Variants in CA10 observed in about 807,000 individuals in gnomAD.
CA10 encodes carbonic anhydrase-related protein 10.
CA10 carries 14 observed loss-of-function variants against 44.2 expected under a neutral mutation model. The observed-to-expected ratio is 0.32, with a 90% CI of 0.21 to 0.50. The LOEUF is 0.50. Among genes scored for constraint, CA10 ranks in the 20% least tolerant of loss-of-function variants. CA10 has a pLI of 0.99. For missense variants in CA10, 350 were observed against 409.7 expected (o/e 0.85, Z 1.26); for synonymous variants, 159 against 141.6 (o/e 1.12, Z -0.87).
chr17:52,074,656 A>T (rs1987770696), intron 1 of CA10, among the ~76,000 whole-genome samples: 1 of 152,310 alleles, frequency 6.6e-6, no homozygotes, highest in African/African-American at 2.4e-5. Context: ...TTACAAAAAA[A>T]TTTTTACAGT....
intron 2 of CA10, among the ~76,000 whole-genome samples, chr17:51,966,101 T>A (rs923719830): frequency 1.3e-5 from 2 of 151,866 alleles, no homozygotes; most frequent in Non-Finnish European, 2.9e-5. Context: ...AAATCAAGAA[T>A]GTAATCTAAT....
chr17:51,811,083 C>T (rs1231900738), intron 3 of CA10, among the ~76,000 whole-genome samples: 2 of 151,856 alleles, frequency 1.3e-5, no homozygotes, highest in Non-Finnish European at 2.9e-5. Context: ...GTAATCCCAG[C>T]TAGTCGGGAG....
At chr17:52,060,180 T>C (rs1987343821) in intron 2 of CA10, among the ~76,000 whole-genome samples, 2 of 152,018 alleles carry the variant, frequency 1.3e-5, no homozygotes, top group South Asian at 4.1e-4. Flanking sequence ...AAACTCACAA[T>C]CCCAGATTAA....
At position 51,930,898 on chromosome 17, in the gene CA10, C is replaced by G. The variant is rs1982630401; in HGVS notation, c.279+92G>C. ...TGGTATTCCTAGGTGGGAGGACAAA[C>G]TCATCACAGAGACTGAAGCCTTGAG... On this transcript the variant is annotated intron_variant, in intron 3 of 8. Transcript: ENST00000451037. The G allele has an allele frequency of 2.7e-6, 4 of 1,456,632 alleles. No homozygotes were observed. In the South Asian group the frequency reaches 3.8e-5, roughly 14 times the overall value. 90.2% of individuals were successfully genotyped at this position (1,456,632 alleles called of 1,614,324 possible).
intron 2 of CA10, among the ~76,000 whole-genome samples, chr17:52,058,251 C>T (rs1251282459): frequency 2.0e-5 from 3 of 152,104 alleles, no homozygotes; most frequent in Non-Finnish European, 4.4e-5. Context: ...TTTTATACAA[C>T]TTTAAATAGC....
chr17:52,132,312 T>C (rs1037445019), intron 1 of CA10, among the ~76,000 whole-genome samples: 2 of 152,152 alleles, frequency 1.3e-5, no homozygotes, highest in South Asian at 4.1e-4. Flanking sequence ...GGAGAGGCAC[T>C]GAGCATGACA....
intron 3 of CA10, among the ~76,000 whole-genome samples, chr17:51,893,723 A>G (rs1251647145): frequency 6.6e-6 from 1 of 152,216 alleles, no homozygotes; most frequent in African/African-American, 2.4e-5. Context: ...AAGTAACTCC[A>G]GTGAATAACA....
chr17:51,795,680 C>T (rs945007135), intron 3 of CA10, among the ~76,000 whole-genome samples: 1 of 152,160 alleles, frequency 6.6e-6, no homozygotes, highest in Non-Finnish European at 1.5e-5. Context: ...GACCCAAGTG[C>T]CTTTACTAAA....
At chr17:51,923,917 G>A (rs950234624) in intron 3 of CA10, among the ~76,000 whole-genome samples, 7 of 152,158 alleles carry the variant, frequency 4.6e-5, no homozygotes, top group African/African-American at 1.2e-4. Flanking sequence ...ATCAGTCAGC[G>A]CTGTCATGGA....
At chr17:51,912,066 CAA>C (rs1239545762) in intron 3 of CA10, among the ~76,000 whole-genome samples, 1 of 152,126 alleles carries the variant, frequency 6.6e-6, no homozygotes. Context: ...ATAAAGCCCA[CAA>C]ATCTAGCACC....
chr17:52,103,141 T>TA (rs1988579948), intron 1 of CA10, among the ~76,000 whole-genome samples: 2 of 152,222 alleles, frequency 1.3e-5, no homozygotes. Context: ...GTCTGAGGGT[T>TA]ATACCCAGCA....
At chr17:51,979,850 C>T (rs990032090) in intron 2 of CA10, among the ~76,000 whole-genome samples, 10 of 152,104 alleles carry the variant, frequency 6.6e-5, no homozygotes, top group Non-Finnish European at 1.3e-4. Context: ...GCAAAAGACA[C>T]GGTCCTGTTT....
At chr17:51,697,559 C>T (rs1044783904) in intron 4 of CA10, among the ~76,000 whole-genome samples, 1 of 152,186 alleles carries the variant, frequency 6.6e-6, no homozygotes, top group Non-Finnish European at 1.5e-5. Context: ...TTTGCTTTCT[C>T]TTCTTTCCAT....
chr17:51,795,398 C>T (rs969818889), intron 3 of CA10, among the ~76,000 whole-genome samples: 1 of 152,156 alleles, frequency 6.6e-6, no homozygotes, highest in African/African-American at 2.4e-5. Flanking sequence ...AATGGAGTTA[C>T]ACATTTTGGA....
chr17:52,154,308 A>G (rs574218205), intron 1 of CA10, among the ~76,000 whole-genome samples: 1 of 152,354 alleles, frequency 6.6e-6, no homozygotes, highest in African/African-American at 2.4e-5. Flanking sequence ...TGCTATATCT[A>G]TAAGATTATC....
chr17:51,739,583 G>A (rs929826329), intron 4 of CA10, among the ~76,000 whole-genome samples: 4 of 152,144 alleles, frequency 2.6e-5, no homozygotes, highest in African/African-American at 7.2e-5. Context: ...TGAGTTGACC[G>A]CAGGAGGCTG....
chr17:51,691,289 A>G (rs1272812580), intron 4 of CA10, among the ~76,000 whole-genome samples: 3 of 152,118 alleles, frequency 2.0e-5, no homozygotes, highest in African/African-American at 7.2e-5. Context: ...TTGTGAGGTA[A>G]TATCTCACTG....
intron 3 of CA10, among the ~76,000 whole-genome samples, chr17:51,806,791 G>A (rs1288659860): frequency 1.3e-5 from 2 of 152,210 alleles, no homozygotes; most frequent in African/African-American, 4.8e-5. Context: ...AATATAATGT[G>A]TGATAATAAT....
At chr17:51,694,105 G>A (rs1915316543) in intron 4 of CA10, among the ~76,000 whole-genome samples, 1 of 152,052 alleles carries the variant, frequency 6.6e-6, no homozygotes, top group African/African-American at 2.4e-5. Flanking sequence ...TTGGGAGGCT[G>A]AGGCAGGAGA....
Sources: allele counts gnomAD v4.1 joint callset (sites outside exome capture counted in the v4.1 genomes callset), GRCh38; gene constraint gnomAD v4.1.1; transcripts MANE v1.5; gene names NCBI Gene and HGNC (gene_info 2026-07-23, HGNC 2026-07-21).